The following CSNK1E variants were observed in gnomAD, a reference collection of about 807,000 sequenced individuals.
The protein encoded by CSNK1E is casein kinase I isoform epsilon.
CSNK1E carries 17 observed loss-of-function variants against 46.1 expected under a neutral mutation model. The observed-to-expected ratio is 0.37, with a 90% confidence interval of 0.25 to 0.55. The LOEUF (loss-of-function observed/expected upper bound fraction) is 0.55, where lower values mean the gene tolerates loss of function less well. Ranked by LOEUF, CSNK1E falls within the 20% of genes least tolerant of loss-of-function variation. The probability of loss-of-function intolerance (pLI) is 0.82; values close to 1 mark genes in which losing one functional copy is unlikely to be tolerated. For missense variants in CSNK1E, 386 were observed against 595.4 expected, an observed-to-expected ratio of 0.65 and a Z score of 3.66; for synonymous variants, 241 against 242.6, an observed-to-expected ratio of 0.99 and a Z score of 0.06.
chr22:38,314,596 G>C (rs1290701893), intron 1 of CSNK1E, among the ~76,000 whole-genome samples: 1 of 152,174 alleles, frequency 6.6e-6, no homozygotes, highest in African/African-American at 2.4e-5. Context: ...ATCCCCTACT[G>C]GGGGGAAGGC....
rs775194780 is a variant in CSNK1E, at chr22:38,294,145, A to G, written c.1182T>C (p.Thr394=). 1 of 1,611,596 alleles carries G rather than the reference A, an allele frequency of 6.2e-7. No homozygotes were observed. Among genetic ancestry groups the G allele is most frequent in the Non-Finnish European group, 8.5e-7 (1 of 1,179,650 alleles). ...GGATCCGGGAGACCTCTTGCCGCCC[A>G]GTGAGGTCTGAGGAGGAGACGTTGG... is the stretch of plus-strand genomic sequence containing the variant. ...APANVSSSDL[T]GRQEVSRIPA... The change falls in exon 9 of 11, where the codon ACT becomes ACC. Residue 394 remains threonine (T), a synonymous_variant. Transcript: ENST00000396832. The surrounding 1 kb of genome is among the most constrained non-coding windows in gnomAD (Gnocchi z 5.5).
intron 2 of CSNK1E, among the ~76,000 whole-genome samples, chr22:38,306,418 C>T (rs890452799): frequency 3.3e-5 from 5 of 152,198 alleles, no homozygotes; most frequent in African/African-American, 7.2e-5. Flanking sequence ...CACAAGCTTG[C>T]GCAGCCATTA....
intron 4 of CSNK1E, among the ~76,000 whole-genome samples, chr22:38,301,665 C>G (rs1451237503): frequency 6.6e-6 from 1 of 152,128 alleles, no homozygotes; most frequent in East Asian, 1.9e-4. Context: ...AACTCCCGAT[C>G]TCAGGAGATC....
chr22:38,306,610 A>C (rs1035771882), intron 2 of CSNK1E, among the ~76,000 whole-genome samples: 3 of 152,220 alleles, frequency 2.0e-5, no homozygotes, highest in African/African-American at 7.2e-5. Context: ...GCACGCCTGT[A>C]ATCCCAGCTA....
rs999820425 is a variant in CSNK1E at position 38,298,597 on chromosome 22, A to G, written c.885+189T>C. ...GCGCCCTGCCTGGGCCCTGCTGCCC[A>G]TGGTGGCACAAGCTGTCAGCACGGA... On this transcript the variant is annotated intron_variant, in intron 7 of 10. Transcript: ENST00000396832. This position sits in a 1 kb window ranked among gnomAD's most constrained non-coding sequence, Gnocchi z 4.2. 2 of 654,558 alleles carry G rather than the reference A, an allele frequency of 3.1e-6. No individual in the cohort carries two copies. The highest frequency in any genetic ancestry group is 5.2e-6 in the Non-Finnish European group (2 of 382,994). The allele number at this position is 654,558 out of a possible 1,614,324, so 40.5% of individuals were successfully genotyped here. A position where few individuals can be genotyped will look rare whatever the true frequency, so the allele number is the denominator to read the frequency against.
At chr22:38,296,426 G>A in intron 7 of CSNK1E, 1 of 1,445,890 alleles carries the variant, frequency 6.9e-7, no homozygotes, top group South Asian at 1.5e-5. Context: ...ACAACACAGG[G>A]TGTCCTGTCT....
intron 7 of CSNK1E, chr22:38,295,495 A>C: frequency 1.9e-6 from 1 of 515,466 alleles, no homozygotes; most frequent in Non-Finnish European, 2.5e-6. Flanking sequence ...GCTCATGGGC[A>C]CAGGGTGTGG....
chr22:38,312,149 T>G (rs139221004), intron 2 of CSNK1E, among the ~76,000 whole-genome samples: 1 of 151,918 alleles, frequency 6.6e-6, no homozygotes, highest in Non-Finnish European at 1.5e-5. Context: ...CACGCTGGAG[T>G]GTGATCTCAG....
rs1176351448 is a variant in CSNK1E, at chr22:38,302,997, G to C, written c.200C>G (p.Ser67Cys). The C allele has an allele frequency of 6.2e-7, 1 of 1,613,900 alleles. No homozygotes were observed. Among genetic ancestry groups the C allele is most frequent in the Admixed American group, 1.7e-5 (1 of 60,022 alleles). The change falls in exon 4 of 11, where the codon TCC becomes TGC. Residue 67 changes from serine to cysteine, a missense_variant. Around this residue, in one of 2 missense-constraint regions of CSNK1E, gnomAD observed 212 missense variants for 410.2 expected, o/e 0.52. Transcript: ENST00000396832. ...GCCCTCAGCTCCGCACCACTTGATG[G>C]ACGGGATCCCCACTGGGGGTCAAGC... ...KMMQGGVGIP[S>C]IKWCGAEGDY... is the part of the protein sequence containing the mutation.
At position 38,299,900 on chromosome 22, in the gene CSNK1E, T is replaced by C; in HGVS notation, c.731A>G (p.Tyr244Cys). Residue 244 changes from tyrosine to cysteine, a missense_variant, in exon 6 of 11, where the codon TAT becomes TGT. Around this residue, in one of 2 missense-constraint regions of CSNK1E, gnomAD observed 212 missense variants for 410.2 expected, o/e 0.52. Transcript: ENST00000396832. ...CCTCCCACTGGGCTACTCACAGGGATAGCCTTTGCAGAGGACCTCGATGGG... is the reference window on the plus strand; with the variant it reads ...CCTCCCACTGGGCTACTCACAGGGACAGCCTTTGCAGAGGACCTCGATGGG... ...STPIEVLCKG[Y>C]PSEFSTYLNF... 6.2e-7 allele frequency: 1 copy of C among 1,613,986 alleles called. No homozygotes were observed. Among genetic ancestry groups the C allele is most frequent in the South Asian group, 1.1e-5 (1 of 91,072 alleles).
At chr22:38,315,662 C>CG (rs905196571) in intron 1 of CSNK1E, among the ~76,000 whole-genome samples, 1 of 151,340 alleles carries the variant, frequency 6.6e-6, no homozygotes, top group African/African-American at 2.4e-5. Flanking sequence ...CAACCCCCCC[C>CG]CAACACCTCA....
intron 2 of CSNK1E, among the ~76,000 whole-genome samples, chr22:38,305,235 A>G (rs1272686183): frequency 6.6e-6 from 1 of 152,054 alleles, no homozygotes; most frequent in Non-Finnish European, 1.5e-5. Flanking sequence ...AAGAAAGGAA[A>G]AAGATTAAAT....
rs935293603 is a variant in CSNK1E at position 38,290,875 on chromosome 22, AAG to A, written c.*1094_*1095del. ...TCTTTAATTAAAAAAAAAAAGGAAAAAGGGGAAACAGAGGTAAATAAATTAGG... is the reference window on the plus strand; with the variant it reads ...TCTTTAATTAAAAAAAAAAAGGAAAAGGGAAACAGAGGTAAATAAATTAGG... On this transcript the variant is annotated 3_prime_UTR_variant, in exon 11 of 11. Coordinates refer to ENST00000396832, the MANE Select transcript of CSNK1E (RefSeq NM_152221.3). The A allele has an allele frequency of 2.0e-5, 3 of 152,194 alleles. No individual in the cohort carries two copies. The allele number at this position is 152,194 out of a possible 1,614,324, so 9.4% of individuals were successfully genotyped here. A position where few individuals can be genotyped will look rare whatever the true frequency, so the allele number is the denominator to read the frequency against.
At chr22:38,301,104 C>G (rs2092669719) in intron 4 of CSNK1E, 152 bp from the exon 5 acceptor site, 1 of 650,302 alleles carries the variant, frequency 1.5e-6, no homozygotes, top group Admixed American at 2.8e-5. Flanking sequence ...CAGAGAAGGC[C>G]TCCTGGAAAA....
Position 38,294,501 on chromosome 22 carries a change from C to G in CSNK1E, c.919G>C (p.Glu307Gln), listed in dbSNP as rs778644621. 1.9e-6 allele frequency: 3 copies of G among 1,596,362 alleles called. No individual in the cohort carries two copies. Among genetic ancestry groups the G allele is most frequent in the Non-Finnish European group, 1.7e-6 (2 of 1,172,658 alleles). ...TCCTCGCGTTCGTGTTCTCGCCGCT[C>G]CCGGTCCACATCCTCGGGATTCCGG... ...AARNPEDVDR[E>Q]RREHEREERM... Residue 307 changes from glutamate (E) to glutamine (Q), a missense_variant, in exon 8 of 11, where the codon GAG (glutamate) becomes CAG (glutamine). Physicochemically the swap from Glu to Gln is conservative, Grantham distance 29. Around this residue, in one of 2 missense-constraint regions of CSNK1E, gnomAD observed 174 missense variants for 185.2 expected, o/e 0.94. Transcript: ENST00000396832. The surrounding 1 kb of genome is among the most constrained non-coding windows in gnomAD (Gnocchi z 5.5).
At chr22:38,302,643 G>A (rs1033061389) in intron 4 of CSNK1E, among the ~76,000 whole-genome samples, 26 of 152,180 alleles carry the variant, frequency 1.7e-4, no homozygotes, top group African/African-American at 6.0e-4. Context: ...CCTGGGAGGC[G>A]GATGTTGCAA....
In CSNK1E at chr22:38,299,925, G is replaced by A; in HGVS notation, c.706C>T (p.Pro236Ser). Residue 236 changes from proline (P) to serine (S), a missense_variant, in exon 6 of 11, where the codon CCC (proline) becomes TCC (serine). Coordinates refer to ENST00000396832, the MANE Select transcript of CSNK1E (RefSeq NM_152221.3). ...ERISEKKMSTPIEVLCKGYPS... is the reference protein window; with the variant it reads ...ERISEKKMSTSIEVLCKGYPS... Reference sequence around the variant, plus strand: ...TAGCCTTTGCAGAGGACCTCGATGGGCGTTGACATCTTCTTCTCGCTGATC... The same window carrying A: ...TAGCCTTTGCAGAGGACCTCGATGGACGTTGACATCTTCTTCTCGCTGATC... The A allele has an allele frequency of 6.2e-7, 1 of 1,614,206 alleles. No individual in the cohort carries two copies. Among genetic ancestry groups the A allele is most frequent in the Non-Finnish European group, 8.5e-7 (1 of 1,180,032 alleles).
intron 2 of CSNK1E, among the ~76,000 whole-genome samples, chr22:38,304,641 G>T (rs1459492859): frequency 6.6e-6 from 1 of 152,130 alleles, no homozygotes; most frequent in Non-Finnish European, 1.5e-5. Flanking sequence ...AGGAAAGGAT[G>T]CCTGCTTCAC....
At chr22:38,307,528 C>T (rs554325480) in intron 2 of CSNK1E, among the ~76,000 whole-genome samples, 142 of 152,174 alleles carry the variant, frequency 9.3e-4, no homozygotes, top group African/African-American at 3.1e-3. Flanking sequence ...TCCAGCCTGG[C>T]GACACAGCGA....
Sources: allele counts gnomAD v4.1 joint callset (sites outside exome capture counted in the v4.1 genomes callset), GRCh38; gene constraint gnomAD v4.1.1; regional missense constraint gnomAD v4.1.1; non-coding constraint Gnocchi (gnomAD v3.1); transcripts MANE v1.5; gene names NCBI Gene and HGNC (gene_info 2026-07-23, HGNC 2026-07-21).